Variants in ATP2B4 observed in about 807,000 individuals in gnomAD.
The protein encoded by ATP2B4 is plasma membrane calcium-transporting ATPase 4.
In ATP2B4, 39 loss-of-function variants were observed where a neutral mutation model predicts 110.3. The observed-to-expected ratio is 0.35, with a 90% CI of 0.27 to 0.46. ATP2B4 has a LOEUF of 0.46. Among genes scored for constraint, ATP2B4 ranks in the 20% least tolerant of loss-of-function variants. The pLI is 1.00. For missense variants in ATP2B4, 1,135 were observed against 1,530.9 expected (o/e 0.74, Z 4.32); for synonymous variants, 538 against 571.7 (o/e 0.94, Z 0.84).
Position 203,721,228 on chromosome 1 carries a change from G to A in ATP2B4, c.2630G>A (p.Trp877Ter). The change falls in exon 17 of 21, where the codon TGG becomes TAG. Residue 877 changes from tryptophan to a stop codon, truncating the protein, a stop_gained. Transcript: ENST00000357681. LOFTEE classifies it high-confidence loss of function. ...DSPLKAVQML[W>*]VNLIMDTFAS... ...CCATTGAAAGCTGTGCAGATGTTGT[G>A]GGTTAATCTGATCATGGACACTTTT... 1.2e-6 allele frequency: 2 copies of A among 1,614,194 alleles called. No homozygotes were observed. Among genetic ancestry groups the A allele is most frequent in the Non-Finnish European group, 1.7e-6 (2 of 1,180,028 alleles).
chr1:203,704,604 C>G (rs1196284175), intron 8 of ATP2B4, among the ~76,000 whole-genome samples: 1 of 150,806 alleles, frequency 6.6e-6, no homozygotes, highest in Non-Finnish European at 1.5e-5. Flanking sequence ...CCTCAGCCAC[C>G]CAAGTAGCAG....
intron 20 of ATP2B4, among the ~76,000 whole-genome samples, chr1:203,729,978 A>G (rs1666650587): frequency 1.3e-5 from 2 of 152,088 alleles, no homozygotes; most frequent in African/African-American, 4.8e-5. Context: ...TCAAGAAGAG[A>G]AACTCCAGGA....
intron 19 of ATP2B4, among the ~76,000 whole-genome samples, chr1:203,724,296 T>C (rs1666437702): frequency 6.6e-6 from 1 of 152,060 alleles, no homozygotes; most frequent in South Asian, 2.1e-4. Flanking sequence ...GGCAGGCAGA[T>C]CACGAGGTCA....
intron 2 of ATP2B4, among the ~76,000 whole-genome samples, chr1:203,690,604 A>G (rs1665338474): frequency 6.6e-6 from 1 of 152,208 alleles, no homozygotes; most frequent in East Asian, 1.9e-4. Flanking sequence ...TAGAGCTTAT[A>G]GTCTGTTCTG....
intron 1 of ATP2B4, among the ~76,000 whole-genome samples, chr1:203,674,145 A>G (rs12118835): frequency 0.52 from 78,558 of 152,070 alleles, 23,331 homozygotes; most frequent in Non-Finnish European, 0.67. Context: ...AGTGAGTAGC[A>G]GTTATCGTTG....
chr1:203,730,230 TAAA>T (rs111392425), intron 20 of ATP2B4, among the ~76,000 whole-genome samples: 6 of 137,268 alleles, frequency 4.4e-5, no homozygotes, highest in Non-Finnish European at 3.2e-5. Flanking sequence ...AGAGCTGAAT[TAAA>T]AAAAAAAAAA....
At chr1:203,630,690 G>C (rs140864107) in intron 1 of ATP2B4, among the ~76,000 whole-genome samples, 313 of 152,248 alleles carry the variant, frequency 2.1e-3, no homozygotes, top group Non-Finnish European at 3.4e-3. Context: ...CTCAGACAAG[G>C]CTCCCTACCC....
chr1:203,657,503 A>T (rs1328658946), intron 1 of ATP2B4: 1 of 786,650 alleles, frequency 1.3e-6, no homozygotes, highest in Non-Finnish European at 2.3e-6. Flanking sequence ...CTCCCTGTGG[A>T]GTCTTTTCAT....
At chr1:203,644,489 C>G (rs573706829) in intron 1 of ATP2B4, among the ~76,000 whole-genome samples, 1 of 152,124 alleles carries the variant, frequency 6.6e-6, no homozygotes, top group African/African-American at 2.4e-5. Flanking sequence ...GAACTTGAGC[C>G]ACTTAAGTTG....
At chr1:203,689,605 A>G (rs531797358) in intron 2 of ATP2B4, among the ~76,000 whole-genome samples, 3 of 152,346 alleles carry the variant, frequency 2.0e-5, no homozygotes, top group Admixed American at 2.0e-4. Flanking sequence ...TCTCCTCTGC[A>G]GAGTTGAAGG....
At chr1:203,739,292 A>G (rs1009849070) in intron 20 of ATP2B4, among the ~76,000 whole-genome samples, 12 of 151,668 alleles carry the variant, frequency 7.9e-5, no homozygotes, top group African/African-American at 2.7e-4. Context: ...TGGGTTTTCT[A>G]CTTTTTTTAA....
At chr1:203,714,027 CT>C in intron 14 of ATP2B4, 143 bp from the exon 15 acceptor site, 1 of 731,116 alleles carries the variant, frequency 1.4e-6, no homozygotes, top group South Asian at 1.7e-5. Context: ...CATGAAACAA[CT>C]TACTGCCCTT....
intron 2 of ATP2B4, among the ~76,000 whole-genome samples, chr1:203,683,994 T>C (rs995542294): frequency 6.6e-6 from 1 of 152,122 alleles, no homozygotes; most frequent in African/African-American, 2.4e-5. Flanking sequence ...TTTCTCCTTT[T>C]TCTGTATCAG....
chr1:203,659,253 G>A (rs534282702), intron 1 of ATP2B4, among the ~76,000 whole-genome samples: 105 of 152,180 alleles, frequency 6.9e-4, no homozygotes, highest in Non-Finnish European at 1.3e-3. Flanking sequence ...TTGTGATATC[G>A]AAGAAAATAA....
At chr1:203,689,835 G>A (rs1251943657) in intron 2 of ATP2B4, among the ~76,000 whole-genome samples, 1 of 152,230 alleles carries the variant, frequency 6.6e-6, no homozygotes, top group African/African-American at 2.4e-5. Context: ...TGGGAACACA[G>A]TGTAGGGACC....
chr1:203,703,556 G>A (rs756793046), intron 7 of ATP2B4, 96 bp from the exon 8 acceptor site: 277 of 1,415,320 alleles, frequency 2.0e-4, no homozygotes, highest in Middle Eastern at 2.5e-4. Flanking sequence ...GGTATATTCC[G>A]GGAAAGAGAC....
At position 203,683,416 on chromosome 1, in the gene ATP2B4, G is replaced by T; in HGVS notation, c.193+18G>T. The T allele has an allele frequency of 1.3e-6, 2 of 1,573,494 alleles. No homozygotes were observed. Among genetic ancestry groups the T allele is most frequent in the South Asian group, 1.2e-5 (1 of 85,788 alleles). ...TGTGGAAGGTAAAGGCCATATCAGG[G>T]GTGGGGAGTTGGAGGAAGGTGGCTA... On this transcript the variant is annotated intron_variant, in intron 2 of 20. Transcript: ENST00000357681.
intron 2 of ATP2B4, among the ~76,000 whole-genome samples, chr1:203,693,429 A>G (rs1205729862): frequency 1.3e-5 from 2 of 152,148 alleles, no homozygotes; most frequent in East Asian, 1.9e-4. Flanking sequence ...TAAGGTTGCT[A>G]TTGTACAAGC....
At chr1:203,678,049 A>G (rs1363895266) in intron 1 of ATP2B4, among the ~76,000 whole-genome samples, 2 of 152,224 alleles carry the variant, frequency 1.3e-5, no homozygotes, top group Non-Finnish European at 2.9e-5. Flanking sequence ...TATTCCAGGC[A>G]GGTCTGTCTG....
Sources: gnomAD v4.1 joint callset for allele counts (sites outside exome capture counted in the v4.1 genomes callset) on GRCh38, gnomAD v4.1.1 for gene constraint, MANE v1.5 for transcripts, NCBI Gene and HGNC (gene_info 2026-07-23, HGNC 2026-07-21) for gene names.